The following RAD51B variants were observed in gnomAD, a reference collection of about 807,000 sequenced individuals.
RAD51B encodes the protein RAD51 paralog B, also known as DNA repair protein RAD51 homolog 2.
In RAD51B, 38 loss-of-function variants were observed where a neutral mutation model predicts 42.2. The observed-to-expected ratio is 0.90, with a 90% CI of 0.70 to 1.18. The LOEUF (loss-of-function observed/expected upper bound fraction) is 1.18, where lower values mean the gene tolerates loss of function less well. Ranked by LOEUF, RAD51B falls within the 50% of genes most tolerant of loss-of-function variation. The pLI is 0.00. For synonymous variants in RAD51B, 154 were observed against 145.2 expected (o/e 1.06, Z -0.43); for missense variants, 373 against 400.7 (o/e 0.93, Z 0.59).
intron 7 of RAD51B, among the ~76,000 whole-genome samples, chr14:68,272,128 G>T (rs1333089275): frequency 3.3e-5 from 5 of 152,178 alleles, no homozygotes; most frequent in African/African-American, 1.2e-4. Flanking sequence ...TTCACCACGT[G>T]ATCACTGTGG....
intron 7 of RAD51B, among the ~76,000 whole-genome samples, chr14:67,952,647 T>C (rs1477665192): frequency 6.6e-6 from 1 of 150,996 alleles, no homozygotes; most frequent in Non-Finnish European, 1.5e-5. Flanking sequence ...TTAAACTTAA[T>C]GAAGTGAAGT....
intron 8 of RAD51B, among the ~76,000 whole-genome samples, chr14:68,322,240 A>G (rs1281558929): frequency 1.3e-5 from 2 of 152,250 alleles, no homozygotes; most frequent in Admixed American, 1.3e-4. Context: ...GGGGTCCAAA[A>G]TAAATCTGAC....
In RAD51B at chr14:68,483,708, CTTA is replaced by C. The variant is rs1316362281; in HGVS notation, c.1036+15464_1036+15466del. ...TCCCTGCAAGAGAGAGAAACTTTCCCTTATTATTCTTTCAGTAATGAATTCCTG... is the reference window on the plus strand; with the variant it reads ...TCCCTGCAAGAGAGAGAAACTTTCCCTTATTCTTTCAGTAATGAATTCCTG... On this transcript the variant is annotated intron_variant, in intron 10 of 10. Transcript: ENST00000487270. 2.0e-5 allele frequency among the ~76,000 whole-genome samples: 3 copies of C among 152,208 alleles called. No homozygotes were observed. The East Asian group carries it at 5.8e-4, about 29-fold the overall frequency.
chr14:68,557,769 C>T (rs540233286), intron 10 of RAD51B, among the ~76,000 whole-genome samples: 19 of 152,284 alleles, frequency 1.2e-4, no homozygotes, highest in Admixed American at 3.3e-4. Flanking sequence ...AGGAACAGGT[C>T]CTGATAGCTC....
At chr14:68,147,799 G>T (rs1431199410) in intron 7 of RAD51B, among the ~76,000 whole-genome samples, 1 of 66,356 alleles carries the variant, frequency 1.5e-5, no homozygotes, top group African/African-American at 5.0e-5. Flanking sequence ...TAAAGCAAGG[G>T]AAATTAAAAA....
At chr14:68,064,410 C>G (rs1028729726) in intron 7 of RAD51B, among the ~76,000 whole-genome samples, 4 of 152,152 alleles carry the variant, frequency 2.6e-5, no homozygotes, top group African/African-American at 7.2e-5. Flanking sequence ...GACAGTTTGA[C>G]TATAATGTGC....
chr14:68,644,977 T>A (rs1247100350), intron 10 of RAD51B, among the ~76,000 whole-genome samples: 1 of 152,256 alleles, frequency 6.6e-6, no homozygotes, highest in African/African-American at 2.4e-5. Context: ...GTTTCATTTT[T>A]TCACTGTGTT....
intron 7 of RAD51B, among the ~76,000 whole-genome samples, chr14:68,091,485 C>A (rs1023795353): frequency 6.6e-6 from 1 of 152,154 alleles, no homozygotes; most frequent in Admixed American, 6.5e-5. Context: ...TGTTTTTTGG[C>A]TCCATAAATG....
intron 7 of RAD51B, among the ~76,000 whole-genome samples, chr14:67,943,904 ATATAGG>A (rs1289971088): frequency 1.3e-5 from 2 of 152,142 alleles, no homozygotes; most frequent in African/African-American, 4.8e-5. Flanking sequence ...ATAGATATAG[ATATAGG>A]TATAGATATA....
intron 7 of RAD51B, among the ~76,000 whole-genome samples, chr14:68,177,898 A>C (rs547688553): frequency 2.0e-4 from 31 of 152,210 alleles, no homozygotes; most frequent in Middle Eastern, 3.4e-3. Context: ...ACATTTTCCT[A>C]CTCAGATATC....
intron 9 of RAD51B, among the ~76,000 whole-genome samples, chr14:68,462,091 C>T (rs2085860263): frequency 6.6e-6 from 1 of 152,184 alleles, no homozygotes; most frequent in Non-Finnish European, 1.5e-5. Flanking sequence ...ACTGAAAATT[C>T]AGAGCTTGCC....
intron 11 of RAD51B, among the ~76,000 whole-genome samples, chr14:68,670,441 C>T (rs1370666743): frequency 1.3e-5 from 2 of 152,216 alleles, no homozygotes; most frequent in African/African-American, 2.4e-5. Context: ...TCCTTCCTCC[C>T]TTACATTTGC....
At chr14:68,488,190 A>G (rs1392565506) in intron 10 of RAD51B, among the ~76,000 whole-genome samples, 4 of 136,582 alleles carry the variant, frequency 2.9e-5, no homozygotes, top group Admixed American at 7.3e-5. Context: ...CTGTTTCTTT[A>G]GGGTTTGTCT....
chr14:68,044,833 T>G (rs574836357), intron 7 of RAD51B, among the ~76,000 whole-genome samples: 1 of 152,234 alleles, frequency 6.6e-6, no homozygotes, highest in East Asian at 1.9e-4. Flanking sequence ...ATTGTCACAT[T>G]TTACATTTTG....
At chr14:68,239,516 T>C (rs949732889) in intron 7 of RAD51B, among the ~76,000 whole-genome samples, 56 of 152,064 alleles carry the variant, frequency 3.7e-4, no homozygotes, top group Non-Finnish European at 5.0e-4. Context: ...GTCTTTTTTT[T>C]TTTTCTTTTT....
At chr14:68,085,014 T>A (rs1756812609) in intron 7 of RAD51B, among the ~76,000 whole-genome samples, 1 of 152,204 alleles carries the variant, frequency 6.6e-6, no homozygotes, top group African/African-American at 2.4e-5. Context: ...GATTTGGTGA[T>A]TAACTGGAGA....
chr14:68,247,378 A>G lies in RAD51B; in HGVS notation c.757-44506A>G, dbSNP rs574975105. Among the ~76,000 whole-genome samples the G allele has an allele frequency of 3.9e-5, 6 of 152,316 alleles. No homozygotes were observed. The East Asian group carries it at 9.6e-4, about 24-fold the overall frequency. Reference sequence around the variant, plus strand: ...AAAAGCAGAACAACAACTTGTCATCATAGAACTGGAAGGCATGGTTATTTT... The same window carrying G: ...AAAAGCAGAACAACAACTTGTCATCGTAGAACTGGAAGGCATGGTTATTTT... On this transcript the variant is annotated intron_variant, in intron 7 of 10. Transcript: ENST00000471583.
At chr14:68,537,394 G>A (rs943889218) in intron 10 of RAD51B, among the ~76,000 whole-genome samples, 20 of 151,852 alleles carry the variant, frequency 1.3e-4, no homozygotes, top group African/African-American at 4.8e-4. Context: ...AGCTACTCGG[G>A]AGGCTGAGGC....
intron 7 of RAD51B, among the ~76,000 whole-genome samples, chr14:68,272,233 G>T (rs1004993734): frequency 6.6e-6 from 1 of 152,028 alleles, no homozygotes; most frequent in African/African-American, 2.4e-5. Context: ...ATGTCTCAAG[G>T]GTTTCATTGG....
Sources: gnomAD v4.1 joint callset for allele counts (sites outside exome capture counted in the v4.1 genomes callset) on GRCh38, gnomAD v4.1.1 for gene constraint, MANE v1.5 for transcripts, NCBI Gene and HGNC (gene_info 2026-07-23, HGNC 2026-07-21) for gene names.